Variants in KALRN observed in about 807,000 individuals in gnomAD.
The protein encoded by KALRN is kalirin RhoGEF kinase.
A neutral mutation model predicts 353.7 loss-of-function variants in KALRN; 70 were observed. The observed-to-expected ratio is 0.20, with a 90% confidence interval of 0.16 to 0.24. The LOEUF (loss-of-function observed/expected upper bound fraction) is 0.24. Ranked by LOEUF, KALRN falls within the 10% of genes least tolerant of loss-of-function variation. KALRN has a pLI of 1.00. For synonymous variants in KALRN, 1,391 were observed against 1,434.8 expected, an observed-to-expected ratio of 0.97 and a Z score of 0.69; for missense variants, 2,791 against 3,756.7, an observed-to-expected ratio of 0.74 and a Z score of 6.72.
intron 16 of KALRN, among the ~76,000 whole-genome samples, chr3:124,433,702 T>C (rs1426333292): frequency 4.6e-5 from 7 of 151,970 alleles, no homozygotes; most frequent in Admixed American, 4.6e-4. Context: ...AAGTGAATTA[T>C]CTCCTGCACT....
At chr3:124,539,769 GT>G (rs201157170) in intron 33 of KALRN, among the ~76,000 whole-genome samples, 5 of 151,038 alleles carry the variant, frequency 3.3e-5, no homozygotes, top group Non-Finnish European at 5.9e-5. Flanking sequence ...ATCATTTTGT[GT>G]TTTTTTTTGA....
rs528032015 is a variant in KALRN at position 124,507,387 on chromosome 3, G to A, written c.4935+10974G>A. Among the ~76,000 whole-genome samples, 12 of 152,284 alleles carry A rather than the reference G, an allele frequency of 7.9e-5. No homozygotes were observed. In the South Asian group the frequency reaches 2.1e-3, roughly 26 times the overall value. ...ATTTAAGACAATACTGCCAACAGGG[G>A]AATATGAAGTCCCAACCATGAAATT... On this transcript the variant is annotated intron_variant, in intron 33 of 59. Transcript: ENST00000682506.
At chr3:124,113,137 A>G (rs575152630) in intron 1 of KALRN, among the ~76,000 whole-genome samples, 202 of 152,306 alleles carry the variant, frequency 1.3e-3, no homozygotes, top group South Asian at 2.5e-3. Context: ...TTTGAAATAA[A>G]AACAGCCTGG....
intron 10 of KALRN, among the ~76,000 whole-genome samples, chr3:124,349,225 C>A (rs542011750): frequency 6.6e-6 from 1 of 152,050 alleles, no homozygotes; most frequent in Non-Finnish European, 1.5e-5. Context: ...AAGCCAGTCA[C>A]AAAAAGGACA....
intron 1 of KALRN, among the ~76,000 whole-genome samples, chr3:124,215,439 C>T (rs2077240479): frequency 6.6e-6 from 1 of 152,158 alleles, no homozygotes; most frequent in African/African-American, 2.4e-5. Flanking sequence ...CACTTGCTCA[C>T]TCATTCATAT....
At chr3:124,607,685 C>T (rs1366192897) in intron 34 of KALRN, among the ~76,000 whole-genome samples, 4 of 152,188 alleles carry the variant, frequency 2.6e-5, no homozygotes, top group Middle Eastern at 3.4e-3. Context: ...GGCACAATCT[C>T]GGATCACTGC....
At position 124,595,252 on chromosome 3, in the gene KALRN, C is replaced by T. The variant is rs567621016; in HGVS notation, c.5182+32163C>T. On this transcript the variant is annotated intron_variant, in intron 34 of 59. Transcript: ENST00000682506. ...AACTGTTTTCACCTAACATATTGAACGACTTCTACTACATTTTAATGAATG... is the reference window on the plus strand; with the variant it reads ...AACTGTTTTCACCTAACATATTGAATGACTTCTACTACATTTTAATGAATG... Among the ~76,000 whole-genome samples, 8 of 151,580 alleles carry T rather than the reference C, an allele frequency of 5.3e-5. No homozygotes were observed. The East Asian group carries it at 5.8e-4, about 11-fold the overall frequency.
At chr3:124,193,331 T>G (rs1329264564) in intron 1 of KALRN, among the ~76,000 whole-genome samples, 1 of 152,042 alleles carries the variant, frequency 6.6e-6, no homozygotes, top group African/African-American at 2.4e-5. Flanking sequence ...GCTGTCCTGG[T>G]TCCAGCTTCC....
intron 57 of KALRN, among the ~76,000 whole-genome samples, chr3:124,712,254 G>A (rs998459290): frequency 1.3e-4 from 20 of 152,112 alleles, no homozygotes; most frequent in African/African-American, 3.4e-4. Flanking sequence ...CTTTTTCATC[G>A]TGTCATGGCC....
At chr3:124,297,678 C>T (rs1322080463) in intron 5 of KALRN, among the ~76,000 whole-genome samples, 1 of 152,238 alleles carries the variant, frequency 6.6e-6, no homozygotes, top group African/African-American at 2.4e-5. Context: ...ATTTCCTGCT[C>T]TGGACAGAAT....
chr3:124,124,554 G>A (rs551192194), intron 1 of KALRN, among the ~76,000 whole-genome samples: 3 of 152,302 alleles, frequency 2.0e-5, no homozygotes, highest in East Asian at 1.9e-4. Context: ...TTTCTACTGT[G>A]GGAAAAATGC....
chr3:124,663,793 G>A (rs895064247), intron 45 of KALRN, among the ~76,000 whole-genome samples: 2 of 152,110 alleles, frequency 1.3e-5, no homozygotes, highest in Non-Finnish European at 2.9e-5. Flanking sequence ...ATACAAGACA[G>A]AGATATAGTT....
chr3:124,194,982 G>A (rs57762373), intron 1 of KALRN, among the ~76,000 whole-genome samples: 5,131 of 152,252 alleles, frequency 0.034, 266 homozygotes, highest in African/African-American at 0.12. Flanking sequence ...GGGGGGATGG[G>A]AGAATGACAA....
chr3:124,226,950 A>T lies in KALRN; in HGVS notation c.74-1040A>T, dbSNP rs537370072. 1.3e-4 allele frequency among the ~76,000 whole-genome samples: 20 copies of T among 152,182 alleles called. 1 individual carries two copies. The East Asian group carries it at 3.9e-3, about 29-fold the overall frequency. On this transcript the variant is annotated intron_variant, in intron 1 of 59. Coordinates refer to ENST00000682506, the MANE Select transcript of KALRN (RefSeq NM_001388419.1). ...TATTTGTGTCATGTCCCTAATGGCGACACATAACAGAGACCCCAGTTATAG... is the reference window on the plus strand; with the variant it reads ...TATTTGTGTCATGTCCCTAATGGCGTCACATAACAGAGACCCCAGTTATAG...
At chr3:124,706,256 G>A (rs569257466) in intron 57 of KALRN, among the ~76,000 whole-genome samples, 1 of 152,218 alleles carries the variant, frequency 6.6e-6, no homozygotes, top group Admixed American at 6.5e-5. Context: ...CTGCCCTTGG[G>A]GACACCAGGC....
At chr3:124,361,528 T>G (rs1200564167) in intron 10 of KALRN, among the ~76,000 whole-genome samples, 1 of 152,250 alleles carries the variant, frequency 6.6e-6, no homozygotes, top group Non-Finnish European at 1.5e-5. Flanking sequence ...ATTAAAACTT[T>G]ATATTCTTTT....
intron 1 of KALRN, among the ~76,000 whole-genome samples, chr3:124,174,520 T>C (rs1194898156): frequency 2.0e-5 from 3 of 152,226 alleles, no homozygotes; most frequent in African/African-American, 7.2e-5. Context: ...TTTGGGCCTT[T>C]CTACTAGAAA....
intron 1 of KALRN, among the ~76,000 whole-genome samples, chr3:124,191,310 C>G (rs914508330): frequency 1.8e-4 from 27 of 151,972 alleles, no homozygotes; most frequent in African/African-American, 6.5e-4. Flanking sequence ...CTCTCCCTGC[C>G]CCACTCCTGA....
At chr3:124,329,497 G>T (rs1193792031) in intron 7 of KALRN, among the ~76,000 whole-genome samples, 1 of 152,200 alleles carries the variant, frequency 6.6e-6, no homozygotes, top group African/African-American at 2.4e-5. Flanking sequence ...ACGTGTGCCT[G>T]TGAGTGTGCG....
Sources: allele counts gnomAD v4.1 joint callset (sites outside exome capture counted in the v4.1 genomes callset), GRCh38; gene constraint gnomAD v4.1.1; transcripts MANE v1.5; gene names NCBI Gene and HGNC (gene_info 2026-07-23, HGNC 2026-07-21).